The following TPTE variants were observed in gnomAD, a reference collection of about 807,000 sequenced individuals.
TPTE encodes transmembrane phosphatase with tensin homology.
A neutral mutation model predicts 84.1 loss-of-function variants in TPTE; 59 were observed. The ratio of observed to expected loss-of-function variants is 0.70; its 90% confidence interval spans 0.57 to 0.87. TPTE has a LOEUF of 0.87. TPTE is among the 40% of genes least tolerant of loss of function. The pLI, the probability that TPTE is intolerant of heterozygous loss-of-function variation, is 0.00. For synonymous variants in TPTE, 130 were observed against 223.5 expected (o/e 0.58, Z 3.73); for missense variants, 382 against 659.6 (o/e 0.58, Z 4.61).
chr21:10,578,658 A>C, intron 17 of TPTE, 53 bp downstream of exon 17: 2 of 1,611,604 alleles, frequency 1.2e-6, no homozygotes, highest in Non-Finnish European at 1.7e-6. Context: ...GTAAATATAC[A>C]TAAAGTACAA....
At chr21:10,576,830 CATATATACATATATATATATATATATAT>C (rs1235785473) in intron 14 of TPTE, among the ~76,000 whole-genome samples, 109 of 126,730 alleles carry the variant, frequency 8.6e-4, no homozygotes, top group Non-Finnish European at 1.4e-3. Context: ...AAAGGTTATA[CATATATACATATATATATATATATATAT>C]ATATATATAT....
intron 20 of TPTE, 60 bp from the exon 21 acceptor site, chr21:10,597,955 G>GA (rs1257730311): frequency 6.3e-7 from 1 of 1,584,782 alleles, no homozygotes; most frequent in Non-Finnish European, 8.6e-7. Flanking sequence ...GTTAATTGGT[G>GA]AGACATATTG....
chr21:10,551,471 C>A (rs1355100195), intron 7 of TPTE, among the ~76,000 whole-genome samples: 1 of 152,250 alleles, frequency 6.6e-6, no homozygotes, highest in Non-Finnish European at 1.5e-5. Flanking sequence ...ATGCCTGGAT[C>A]AAAAAAACTA....
intron 7 of TPTE, among the ~76,000 whole-genome samples, chr21:10,545,780 C>T (rs8131970): frequency 0.091 from 13,330 of 146,626 alleles, 6 homozygotes; most frequent in African/African-American, 0.22. Flanking sequence ...TATCTATATA[C>T]ATGTCTACAT....
Position 10,570,497 on chromosome 21 carries a change from C to T in TPTE, c.743C>T (p.Ala248Val), listed in dbSNP as rs753721708. 5.6e-6 allele frequency: 9 copies of T among 1,613,900 alleles called. No homozygotes were observed. The East Asian group carries it at 1.8e-4, about 32-fold the overall frequency. ...TTTTGACTTTTAGAACGTATTATTG[C>T]TATGTCATTTCCATCTTCTGGAAGG... ...DLTYVTERII[A>V]MSFPSSGRQS... The change falls in exon 14 of 24, where the codon GCT (alanine) becomes GTT (valine). Residue 248 changes from alanine to valine, a missense_variant. Coordinates refer to ENST00000618007, the MANE Select transcript of TPTE (RefSeq NM_199261.4).
At chr21:10,545,065 T>C (rs1353928613) in intron 7 of TPTE, among the ~76,000 whole-genome samples, 2 of 152,306 alleles carry the variant, frequency 1.3e-5, no homozygotes, top group African/African-American at 4.8e-5. Flanking sequence ...TATTGCTAAT[T>C]TGTGTCAGAA....
chr21:10,555,853 A>G (rs2074672109), intron 8 of TPTE, among the ~76,000 whole-genome samples: 1 of 152,428 alleles, frequency 6.6e-6, no homozygotes, highest in East Asian at 1.9e-4. Context: ...TTTTCCATCA[A>G]TATCGAGAAT....
chr21:10,548,124 G>A (rs1482820336), intron 7 of TPTE, among the ~76,000 whole-genome samples: 6 of 152,310 alleles, frequency 3.9e-5, no homozygotes, highest in Admixed American at 3.3e-4. Flanking sequence ...CACCGAGTGG[G>A]CCTTGCACCT....
chr21:10,604,803 A>G (rs1328163890), intron 23 of TPTE, among the ~76,000 whole-genome samples: 1 of 152,244 alleles, frequency 6.6e-6, no homozygotes, highest in East Asian at 1.9e-4. Flanking sequence ...GGTCACTTTT[A>G]TTCTTATTTT....
rs749914133 is a variant in TPTE at position 10,567,631 on chromosome 21, A to AG, written c.447-33dup. The AG allele has an allele frequency of 5.6e-6, 9 of 1,605,896 alleles. No homozygotes were observed. The African/African-American group carries it at 1.1e-4, about 19-fold the overall frequency. On this transcript the variant is annotated intron_variant, in intron 10 of 23. Transcript: ENST00000618007. Reference sequence around the variant, plus strand: ...TTTAAATATTCCTATCTCTTCTTGCAGGGGGGAATGAACTTATTTTTTTTG... The same window carrying AG: ...TTTAAATATTCCTATCTCTTCTTGCAGGGGGGGAATGAACTTATTTTTTTTG...
intron 17 of TPTE, among the ~76,000 whole-genome samples, chr21:10,584,313 C>T (rs2075322775): frequency 6.6e-6 from 1 of 150,822 alleles, no homozygotes; most frequent in South Asian, 2.1e-4. Flanking sequence ...ATTAATCTTG[C>T]AGTTAGCAAC....
At chr21:10,528,293 G>A (rs1424065006) in intron 3 of TPTE, among the ~76,000 whole-genome samples, 3 of 152,310 alleles carry the variant, frequency 2.0e-5, no homozygotes, top group Non-Finnish European at 4.4e-5. Context: ...TCAGAAATCT[G>A]TGCTGGAGTC....
chr21:10,583,814 T>C (rs2075311669), intron 17 of TPTE, among the ~76,000 whole-genome samples: 1 of 152,312 alleles, frequency 6.6e-6, no homozygotes. Flanking sequence ...TTTTCATTTC[T>C]TTACTACCCT....
intron 10 of TPTE, among the ~76,000 whole-genome samples, chr21:10,565,058 G>A (rs1171648830): frequency 6.6e-6 from 1 of 152,310 alleles, no homozygotes; most frequent in African/African-American, 2.4e-5. Context: ...TGGGATGGAA[G>A]AAGTAAAATT....
intron 23 of TPTE, among the ~76,000 whole-genome samples, chr21:10,604,758 A>G (rs1979065452): frequency 6.6e-6 from 1 of 152,312 alleles, no homozygotes; most frequent in African/African-American, 2.4e-5. Flanking sequence ...TTTTCCTTTA[A>G]AACACTATGT....
At chr21:10,523,730 C>A (rs1311041210) in intron 1 of TPTE, among the ~76,000 whole-genome samples, 1 of 152,298 alleles carries the variant, frequency 6.6e-6, no homozygotes. Flanking sequence ...CAAGTCTTTG[C>A]TATTGTGAAT....
intron 18 of TPTE, among the ~76,000 whole-genome samples, chr21:10,591,497 A>G (rs1187633299): frequency 1.7e-4 from 26 of 152,236 alleles, no homozygotes; most frequent in Non-Finnish European, 1.3e-4. Flanking sequence ...GTTTGAAAAT[A>G]AAATGAATAG....
intron 3 of TPTE, among the ~76,000 whole-genome samples, chr21:10,532,826 G>A (rs1471309957): frequency 6.6e-6 from 1 of 152,306 alleles, no homozygotes; most frequent in Non-Finnish European, 1.5e-5. Context: ...TCAGAGAATA[G>A]CAATATGATA....
At chr21:10,531,217 T>C (rs2074172581) in intron 3 of TPTE, among the ~76,000 whole-genome samples, 1 of 152,308 alleles carries the variant, frequency 6.6e-6, no homozygotes, top group Non-Finnish European at 1.5e-5. Flanking sequence ...TGAAATTTGA[T>C]CCCCAATGTC....
Sources: gnomAD v4.1 joint callset for allele counts (sites outside exome capture counted in the v4.1 genomes callset) on GRCh38, gnomAD v4.1.1 for gene constraint, MANE v1.5 for transcripts, NCBI Gene and HGNC (gene_info 2026-07-23, HGNC 2026-07-21) for gene names.